Variants in SPEF2 observed in about 807,000 individuals in gnomAD.
SPEF2 encodes sperm flagella and cilia-associated protein 2.
A neutral mutation model predicts 224.6 loss-of-function variants in SPEF2; 187 were observed. The observed-to-expected ratio is 0.83, with a 90% CI of 0.74 to 0.94. The LOEUF (loss-of-function observed/expected upper bound fraction) is 0.94. SPEF2 is among the 40% of genes least tolerant of loss of function. SPEF2 has a pLI of 0.00. For synonymous variants in SPEF2, 715 were observed against 707.3 expected (o/e 1.01, Z -0.17); for missense variants, 2,170 against 2,135.6 (o/e 1.02, Z -0.32).
Position 35,618,016 on chromosome 5 carries a change from C to A in SPEF2, c.19C>A (p.Gln7Lys). 1 of 1,586,006 alleles carries A rather than the reference C, an allele frequency of 6.3e-7. No homozygotes were observed. Among genetic ancestry groups the A allele is most frequent in the African/African-American group, 1.3e-5 (1 of 74,364 alleles). MSEILCQWLNKELKVSR... is the reference protein window; with the variant it reads MSEILCKWLNKELKVSR... Reference sequence around the variant, plus strand: ...CTGAACCATGTCGGAGATCCTGTGCCAGTGGCTCAACAAGGAGTTGAAGGT... The same window carrying A: ...CTGAACCATGTCGGAGATCCTGTGCAAGTGGCTCAACAAGGAGTTGAAGGT... The change falls in exon 1 of 37, where the codon CAG becomes AAG. Residue 7 changes from glutamine (Q) to lysine (K), a missense_variant. Coordinates refer to ENST00000356031, the MANE Select transcript of SPEF2 (RefSeq NM_024867.4).
chr5:35,689,556 T>G (rs1237306786), intron 10 of SPEF2, among the ~76,000 whole-genome samples: 4 of 152,168 alleles, frequency 2.6e-5, no homozygotes, highest in African/African-American at 9.7e-5. Context: ...CATCGTTATG[T>G]CCATGTATAC....
intron 19 of SPEF2, chr5:35,710,363 C>G (rs72738835): frequency 4.5e-6 from 3 of 667,642 alleles, no homozygotes; most frequent in Non-Finnish European, 5.4e-6. Flanking sequence ...TTCGAGACCC[C>G]GCTGGCCAAC....
At chr5:35,640,081 A>G (rs1479575963) in intron 2 of SPEF2, among the ~76,000 whole-genome samples, 1 of 152,204 alleles carries the variant, frequency 6.6e-6, no homozygotes, top group Non-Finnish European at 1.5e-5. Flanking sequence ...TAACTGAAGT[A>G]TAACATTAAC....
chr5:35,740,384 T>A (rs1484075112), intron 23 of SPEF2, 117 bp downstream of exon 23: 3 of 1,330,576 alleles, frequency 2.3e-6, no homozygotes, highest in African/African-American at 1.5e-5. Context: ...AAGAAAATGG[T>A]TTGAACTATT....
chr5:35,781,433 G>A (rs1215006900), intron 30 of SPEF2: 1 of 152,174 alleles, frequency 6.6e-6, no homozygotes, highest in Non-Finnish European at 1.5e-5. Flanking sequence ...TACAGTTAGG[G>A]GAACAGCTGC....
At chr5:35,689,750 C>T (rs1450808755) in intron 10 of SPEF2, among the ~76,000 whole-genome samples, 1 of 152,118 alleles carries the variant, frequency 6.6e-6, no homozygotes, top group African/African-American at 2.4e-5. Context: ...ATCCATTCCA[C>T]CCTTCATGGG....
chr5:35,771,605 C>G lies in SPEF2; in HGVS notation c.3802-4C>G, dbSNP rs1334785252. The stretch of plus-strand genomic sequence containing the variant: ...TAACTGAAATATTGCTGTTACGCAA[C>G]CAGGTGGCTGCTGAAATTCATCAGA... On this transcript the variant is annotated splice_region_variant and splice_polypyrimidine_tract_variant and intron_variant, in intron 26 of 36. Coordinates refer to ENST00000356031, the MANE Select transcript of SPEF2 (RefSeq NM_024867.4). 1 of 1,588,396 alleles carries G rather than the reference C, an allele frequency of 6.3e-7. No homozygotes were observed. Among genetic ancestry groups the G allele is most frequent in the Non-Finnish European group, 8.5e-7 (1 of 1,173,458 alleles).
intron 2 of SPEF2, among the ~76,000 whole-genome samples, chr5:35,631,094 T>C (rs991644975): frequency 6.6e-6 from 1 of 152,160 alleles, no homozygotes; most frequent in Non-Finnish European, 1.5e-5. Flanking sequence ...TTTGGACTTA[T>C]AGTTCCACAT....
intron 20 of SPEF2, among the ~76,000 whole-genome samples, chr5:35,722,185 T>C (rs1360414719): frequency 6.6e-6 from 1 of 152,036 alleles, no homozygotes; most frequent in African/African-American, 2.4e-5. Context: ...TCAATTACTG[T>C]CCAATGGAGT....
chr5:35,807,746 G>A, intron 36 of SPEF2: 1 of 1,536,012 alleles, frequency 6.5e-7, no homozygotes, highest in Non-Finnish European at 8.7e-7. Flanking sequence ...AAACCCCAGA[G>A]AAACTGGACA....
intron 36 of SPEF2, among the ~76,000 whole-genome samples, chr5:35,808,634 T>G (rs1270975412): frequency 1.3e-5 from 2 of 151,890 alleles, no homozygotes; most frequent in African/African-American, 4.8e-5. Flanking sequence ...CACATTTTCT[T>G]AATCCAGTGT....
intron 10 of SPEF2, among the ~76,000 whole-genome samples, chr5:35,675,408 C>T (rs1046628391): frequency 3.9e-5 from 6 of 151,996 alleles, no homozygotes; most frequent in African/African-American, 1.5e-4. Flanking sequence ...CCATTTCATA[C>T]GTGCAATTTC....
intron 18 of SPEF2, among the ~76,000 whole-genome samples, chr5:35,706,218 A>G (rs371105821): frequency 6.6e-6 from 1 of 151,972 alleles, no homozygotes; most frequent in East Asian, 1.9e-4. Context: ...TGTTAGCTTT[A>G]GCATTATAAA....
intron 26 of SPEF2, among the ~76,000 whole-genome samples, chr5:35,766,427 G>A (rs531684894): frequency 6.6e-6 from 1 of 152,068 alleles, no homozygotes; most frequent in African/African-American, 2.4e-5. Context: ...ATTTCTAAAT[G>A]TTTAAATTTA....
chr5:35,679,835 C>G (rs2149501858), intron 10 of SPEF2, among the ~76,000 whole-genome samples: 1 of 152,288 alleles, frequency 6.6e-6, no homozygotes, highest in Admixed American at 6.5e-5. Flanking sequence ...CAGCTCTAAT[C>G]TATTGCTACC....
Position 35,725,959 on chromosome 5 carries a change from T to A in SPEF2, c.2915-1716T>A, listed in dbSNP as rs541855973. 1.3e-4 allele frequency among the ~76,000 whole-genome samples: 20 copies of A among 152,308 alleles called. No individual in the cohort carries two copies. In the South Asian group the frequency reaches 3.9e-3, roughly 30 times the overall value. On this transcript the variant is annotated intron_variant, in intron 20 of 36. Transcript: ENST00000356031. ...AGGAATAGTTACACTGAGGACTCAA[T>A]GATCCAACTCTACAAGTGAAAGCAA...
At chr5:35,679,461 A>T (rs1300837396) in intron 10 of SPEF2, among the ~76,000 whole-genome samples, 1 of 152,202 alleles carries the variant, frequency 6.6e-6, no homozygotes, top group African/African-American at 2.4e-5. Context: ...ACAGAACAGG[A>T]CACACATTAA....
At chr5:35,768,950 T>C (rs532429593) in intron 26 of SPEF2, among the ~76,000 whole-genome samples, 2 of 152,284 alleles carry the variant, frequency 1.3e-5, no homozygotes, top group Non-Finnish European at 2.9e-5. Flanking sequence ...GGCAAAACTT[T>C]CTTCTAATTA....
At chr5:35,695,388 T>G (rs571299079) in intron 13 of SPEF2, among the ~76,000 whole-genome samples, 1 of 152,210 alleles carries the variant, frequency 6.6e-6, no homozygotes, top group African/African-American at 2.4e-5. Flanking sequence ...AATAACATTT[T>G]AACATTTTTT....
Sources: allele counts gnomAD v4.1 joint callset (sites outside exome capture counted in the v4.1 genomes callset), GRCh38; gene constraint gnomAD v4.1.1; transcripts MANE v1.5; gene names NCBI Gene and HGNC (gene_info 2026-07-23, HGNC 2026-07-21).